LAMA2: variants seen among roughly 807,000 people sequenced by gnomAD.
LAMA2 encodes the protein laminin subunit alpha-2.
A neutral mutation model predicts 364.8 loss-of-function variants in LAMA2; 269 were observed. The observed-to-expected ratio is 0.74, with a 90% CI of 0.67 to 0.82. The LOEUF is 0.82. Among genes scored for constraint, LAMA2 ranks in the 40% least tolerant of loss-of-function variants. LAMA2 has a pLI of 0.00. For missense variants in LAMA2, 3,807 were observed against 3,873.2 expected (o/e 0.98, Z 0.45); for synonymous variants, 1,379 against 1,370.6 (o/e 1.01, Z -0.14).
chr6:129,193,089 A>T (rs894978545), intron 12 of LAMA2, among the ~76,000 whole-genome samples: 1 of 152,198 alleles, frequency 6.6e-6, no homozygotes, highest in East Asian at 1.9e-4. Context: ...AACTTTTTGA[A>T]TGGGCAAATA....
At position 129,293,336 on chromosome 6, in the gene LAMA2, TCTA is replaced by T. The variant is rs149897315; in HGVS notation, c.2856+1619_2856+1621del. Among the ~76,000 whole-genome samples, 511 of 152,258 alleles carry T rather than the reference TCTA, an allele frequency of 3.4e-3. 2 individuals are homozygous for T. Among genetic ancestry groups the T allele is most frequent in the Non-Finnish European group, 5.1e-3 (349 of 68,022 alleles). Reference sequence around the variant, plus strand: ...TGAATATGTGGAAATCAAATAAAAATCTACTTGAGAGAACCTATAATCTTAGAA... The same window carrying T: ...TGAATATGTGGAAATCAAATAAAAATCTTGAGAGAACCTATAATCTTAGAA... On this transcript the variant is annotated intron_variant, in intron 20 of 64. Coordinates refer to ENST00000421865, the MANE Select transcript of LAMA2 (RefSeq NM_000426.4).
intron 12 of LAMA2, among the ~76,000 whole-genome samples, chr6:129,224,682 G>T (rs1169522267): frequency 6.6e-6 from 1 of 152,178 alleles, no homozygotes; most frequent in East Asian, 1.9e-4. Flanking sequence ...CGTGGATGAA[G>T]CCCACTTGAT....
chr6:129,478,606 T>G (rs1784198579), intron 53 of LAMA2, 87 bp from the exon 54 acceptor site: 2 of 1,402,358 alleles, frequency 1.4e-6, no homozygotes, highest in Non-Finnish European at 2.0e-6. Context: ...ATGTGTCTGC[T>G]CCACAAGGCT....
chr6:129,459,592 T>C (rs904278642), intron 48 of LAMA2, among the ~76,000 whole-genome samples: 1 of 152,080 alleles, frequency 6.6e-6, no homozygotes, highest in African/African-American at 2.4e-5. Context: ...ACTCGAAATC[T>C]TCTTGGCTGT....
intron 40 of LAMA2, among the ~76,000 whole-genome samples, chr6:129,417,673 T>G (rs926222249): frequency 1.6e-4 from 25 of 151,934 alleles, no homozygotes; most frequent in Admixed American, 4.6e-4. Flanking sequence ...ACCCAGGCTG[T>G]TCATGCCTAG....
intron 49 of LAMA2, among the ~76,000 whole-genome samples, chr6:129,460,552 A>G (rs1402997516): frequency 6.6e-6 from 1 of 152,034 alleles, no homozygotes; most frequent in Non-Finnish European, 1.5e-5. Flanking sequence ...TTGCATAGTC[A>G]TATGTTTTTA....
At chr6:128,903,321 G>T (rs933718232) in intron 1 of LAMA2, among the ~76,000 whole-genome samples, 1 of 152,034 alleles carries the variant, frequency 6.6e-6, no homozygotes, top group Non-Finnish European at 1.5e-5. Flanking sequence ...TTCCAGAATC[G>T]TTGACATTTA....
intron 12 of LAMA2, among the ~76,000 whole-genome samples, chr6:129,232,232 A>C (rs78427821): frequency 0.055 from 8,327 of 152,182 alleles, 291 homozygotes; most frequent in Non-Finnish European, 0.081. Flanking sequence ...TTTATTTTGG[A>C]GTTTAACTCT....
intron 40 of LAMA2, among the ~76,000 whole-genome samples, chr6:129,419,415 C>G (rs938923346): frequency 9.9e-5 from 15 of 152,088 alleles, no homozygotes; most frequent in Admixed American, 2.0e-4. Context: ...AGAATGGTAT[C>G]TAACTTAATA....
chr6:129,184,378 T>A (rs1405907549), intron 10 of LAMA2, among the ~76,000 whole-genome samples: 2 of 151,904 alleles, frequency 1.3e-5, no homozygotes, highest in Admixed American at 6.6e-5. Context: ...ACAGTTCAAA[T>A]AATATTATGT....
chr6:129,489,330 ACTC>A (rs1434889058), intron 56 of LAMA2, among the ~76,000 whole-genome samples: 1 of 150,102 alleles, frequency 6.7e-6, no homozygotes, highest in African/African-American at 2.5e-5. Flanking sequence ...GCCTCTCTTT[ACTC>A]CTCCTCCCTC....
chr6:129,495,160 C>G (rs1785095239), intron 58 of LAMA2, among the ~76,000 whole-genome samples: 2 of 152,140 alleles, frequency 1.3e-5, no homozygotes, highest in Non-Finnish European at 2.9e-5. Flanking sequence ...TGTTAGAAAG[C>G]CATCGGTTAC....
At chr6:129,506,500 A>G (rs1471348935) in intron 61 of LAMA2, among the ~76,000 whole-genome samples, 2 of 152,198 alleles carry the variant, frequency 1.3e-5, no homozygotes, top group East Asian at 3.8e-4. Flanking sequence ...GAGGTGCAGT[A>G]GTTACAGTAC....
intron 28 of LAMA2, among the ~76,000 whole-genome samples, chr6:129,322,887 CATT>C (rs1222835096): frequency 6.6e-6 from 1 of 152,052 alleles, no homozygotes; most frequent in Non-Finnish European, 1.5e-5. Context: ...CATTTTCCAT[CATT>C]ATATGAAAAT....
At chr6:129,170,306 A>G (rs1780052201) in intron 9 of LAMA2, among the ~76,000 whole-genome samples, 1 of 147,616 alleles carries the variant, frequency 6.8e-6, no homozygotes, top group African/African-American at 2.6e-5. Flanking sequence ...ATTTAGTGCT[A>G]TAAATTTCCC....
chr6:129,120,681 G>T (rs924688540), intron 4 of LAMA2, among the ~76,000 whole-genome samples: 1 of 152,090 alleles, frequency 6.6e-6, no homozygotes, highest in East Asian at 1.9e-4. Context: ...TTGTTTGAAG[G>T]CTTATTTATC....
intron 24 of LAMA2, 134 bp downstream of exon 24, chr6:129,314,932 A>G (rs1323716882): frequency 1.2e-6 from 1 of 864,956 alleles, no homozygotes; most frequent in East Asian, 2.4e-5. Context: ...ATTTAGGAAC[A>G]GCAAAGGGGT....
intron 46 of LAMA2, among the ~76,000 whole-genome samples, chr6:129,453,949 T>TC (rs1031640496): frequency 6.6e-6 from 1 of 150,718 alleles, no homozygotes; most frequent in African/African-American, 2.4e-5. Context: ...TATGGACTTT[T>TC]TTTTTTTTTG....
At chr6:129,477,356 T>A (rs1185703137) in intron 53 of LAMA2, among the ~76,000 whole-genome samples, 1 of 152,234 alleles carries the variant, frequency 6.6e-6, no homozygotes, top group African/African-American at 2.4e-5. Context: ...AGCACTGTTA[T>A]AATTAAAGAA....
Sources: allele counts gnomAD v4.1 joint callset (sites outside exome capture counted in the v4.1 genomes callset), GRCh38; gene constraint gnomAD v4.1.1; transcripts MANE v1.5; gene names NCBI Gene and HGNC (gene_info 2026-07-23, HGNC 2026-07-21).